Variants in SMOC1 observed in about 807,000 individuals in gnomAD.
The protein encoded by SMOC1 is SPARC related modular calcium binding 1.
A neutral mutation model predicts 56.3 loss-of-function variants in SMOC1; 22 were observed. That is an observed-to-expected ratio of 0.39 (90% CI 0.28 to 0.56). SMOC1 has a LOEUF of 0.56. SMOC1 is among the 20% of genes least tolerant of loss of function. SMOC1 has a pLI of 0.61. For synonymous variants in SMOC1, 193 were observed against 215.0 expected (o/e 0.90, Z 0.89); for missense variants, 509 against 565.4 (o/e 0.90, Z 1.01).
At chr14:69,886,311 A>G (rs1883809633) in intron 1 of SMOC1, among the ~76,000 whole-genome samples, 1 of 152,190 alleles carries the variant, frequency 6.6e-6, no homozygotes, top group Non-Finnish European at 1.5e-5. Flanking sequence ...TGTTTTGTTA[A>G]ATGAACAAAT....
In SMOC1 at chr14:69,984,989, C is replaced by T. The variant is rs187573116; in HGVS notation, c.526+7024C>T. Among the ~76,000 whole-genome samples the T allele has an allele frequency of 1.1e-4, 16 of 151,222 alleles. No individual in the cohort carries two copies. The East Asian group carries it at 2.5e-3, about 24-fold the overall frequency. The stretch of plus-strand genomic sequence containing the variant: ...CCCAGGAGGTGGAGGTTGCAGCAAG[C>T]GAGATCATCACTCCAGCCTTGGTGA... On this transcript the variant is annotated intron_variant, in intron 5 of 11. Transcript: ENST00000361956.
chr14:69,952,021 A>T (rs931504517), intron 1 of SMOC1, 117 bp from the exon 2 acceptor site: 1 of 1,192,340 alleles, frequency 8.4e-7, no homozygotes. Flanking sequence ...TTAGGGTTTT[A>T]TTTGGGTTTA....
At chr14:69,999,220 C>A (rs565099545) in intron 7 of SMOC1, among the ~76,000 whole-genome samples, 4 of 152,186 alleles carry the variant, frequency 2.6e-5, no homozygotes, top group Non-Finnish European at 4.4e-5. Flanking sequence ...CATTTGGCCA[C>A]GTCTTGGATT....
At position 69,977,968 on chromosome 14, in the gene SMOC1, G is replaced by A. The variant is rs1566696705; in HGVS notation, c.526+3G>A. On this transcript the variant is annotated splice_donor_region_variant and intron_variant, in intron 5 of 11. Coordinates refer to ENST00000361956, the MANE Select transcript of SMOC1 (RefSeq NM_001034852.3). ...CCAGGGTAACTCAGGAAGGAAAGGTGAGTGGAGTTTTATGCTTTATCTAAA... is the reference window on the plus strand; with the variant it reads ...CCAGGGTAACTCAGGAAGGAAAGGTAAGTGGAGTTTTATGCTTTATCTAAA... 1 of 1,613,182 alleles carries A rather than the reference G, an allele frequency of 6.2e-7. No individual in the cohort carries two copies. The highest frequency in any genetic ancestry group is 8.5e-7 in the Non-Finnish European group (1 of 1,179,122).
At chr14:69,933,918 G>A (rs921941804) in intron 1 of SMOC1, among the ~76,000 whole-genome samples, 2 of 152,084 alleles carry the variant, frequency 1.3e-5, no homozygotes, top group African/African-American at 4.8e-5. Context: ...TGAAACCATG[G>A]GATGCAGTTT....
intron 5 of SMOC1, among the ~76,000 whole-genome samples, chr14:69,981,138 G>A (rs1029262318): frequency 6.6e-5 from 10 of 152,192 alleles, no homozygotes; most frequent in African/African-American, 2.4e-4. Flanking sequence ...GAGAGGCTGG[G>A]TGGTCACAGC....
intron 1 of SMOC1, among the ~76,000 whole-genome samples, chr14:69,937,780 G>A (rs1475896393): frequency 6.6e-6 from 1 of 152,170 alleles, no homozygotes; most frequent in Admixed American, 6.5e-5. Context: ...ATGCTCACAT[G>A]TGTGCATGTA....
chr14:69,918,625 GA>G (rs1417706489), intron 1 of SMOC1, among the ~76,000 whole-genome samples: 3 of 152,296 alleles, frequency 2.0e-5, no homozygotes, highest in African/African-American at 7.2e-5. Flanking sequence ...CTAAGTAACA[GA>G]ACTTCCGTGT....
chr14:69,885,494 G>A, intron 1 of SMOC1: 3 of 1,600,078 alleles, frequency 1.9e-6, no homozygotes, highest in African/African-American at 1.3e-5. Context: ...CACCAGCTTA[G>A]CCAAAGCGCC....
intron 7 of SMOC1, among the ~76,000 whole-genome samples, chr14:69,997,885 G>T (rs1336577074): frequency 1.3e-5 from 2 of 152,074 alleles, no homozygotes; most frequent in Non-Finnish European, 2.9e-5. Flanking sequence ...GGTTGCCATG[G>T]GACTCCGTGA....
intron 11 of SMOC1, among the ~76,000 whole-genome samples, chr14:70,028,465 G>T (rs1278267752): frequency 6.6e-6 from 1 of 152,202 alleles, no homozygotes; most frequent in Admixed American, 6.5e-5. Context: ...CCAAGCTTCA[G>T]TTTCATCATC....
chr14:70,006,273 G>C (rs1038462064), intron 7 of SMOC1, among the ~76,000 whole-genome samples: 1 of 152,086 alleles, frequency 6.6e-6, no homozygotes. Context: ...TTAGAGGCTT[G>C]TTTGAGTTTG....
At chr14:69,936,425 T>C (rs1400431438) in intron 1 of SMOC1, among the ~76,000 whole-genome samples, 2 of 152,250 alleles carry the variant, frequency 1.3e-5, no homozygotes, top group Non-Finnish European at 2.9e-5. Flanking sequence ...CTAATGACAC[T>C]GTTGAGAAAG....
intron 3 of SMOC1, among the ~76,000 whole-genome samples, chr14:69,960,809 G>T (rs1883342714): frequency 7.7e-6 from 1 of 129,860 alleles, no homozygotes; most frequent in South Asian, 2.4e-4. Flanking sequence ...TTCTTGGTTT[G>T]CTCAACTGGG....
At chr14:70,025,903 G>A (rs1196994555) in intron 11 of SMOC1, among the ~76,000 whole-genome samples, 2 of 152,182 alleles carry the variant, frequency 1.3e-5, no homozygotes, top group Non-Finnish European at 2.9e-5. Context: ...GTGAGTTAAA[G>A]CATTCCCAAA....
intron 1 of SMOC1, among the ~76,000 whole-genome samples, chr14:69,888,521 A>G (rs1323681901): frequency 2.0e-5 from 3 of 152,218 alleles, no homozygotes; most frequent in African/African-American, 7.2e-5. Context: ...ACCAGGGAGC[A>G]CTGGGACTGA....
At position 70,030,438 on chromosome 14, in the gene SMOC1, A is replaced by G. The variant is rs954260656; in HGVS notation, c.*180A>G. The G allele has an allele frequency of 6.1e-5, 41 of 672,058 alleles. No homozygotes were observed. In the African/African-American group the frequency reaches 7.1e-4, roughly 12 times the overall value. The allele number at this position is 672,058 out of a possible 1,614,324, so 41.6% of individuals were successfully genotyped here. ...TTTGTTTTTGGTTTCATTTTAAAAC[A>G]CCAATATCTAATACCACAGTGGGAA... On this transcript the variant is annotated 3_prime_UTR_variant, in exon 12 of 12. Transcript: ENST00000361956.
chr14:70,000,766 G>T (rs1008127470), intron 7 of SMOC1, among the ~76,000 whole-genome samples: 1 of 152,152 alleles, frequency 6.6e-6, no homozygotes, highest in East Asian at 1.9e-4. Flanking sequence ...TGACCATTTT[G>T]GGTTACACAG....
At chr14:70,016,777 A>G (rs534192089) in intron 10 of SMOC1, among the ~76,000 whole-genome samples, 3 of 152,236 alleles carry the variant, frequency 2.0e-5, no homozygotes, top group South Asian at 2.1e-4. Context: ...CAGGACCTCT[A>G]TGTCAGTTGC....
Sources: allele counts gnomAD v4.1 joint callset (sites outside exome capture counted in the v4.1 genomes callset), GRCh38; gene constraint gnomAD v4.1.1; transcripts MANE v1.5; gene names NCBI Gene and HGNC (gene_info 2026-07-23, HGNC 2026-07-21).